Variants in FER observed in about 807,000 individuals in gnomAD.
The protein encoded by FER is tyrosine-protein kinase Fer.
FER carries 63 observed loss-of-function variants against 111.0 expected under a neutral mutation model. That is an observed-to-expected ratio of 0.57 (90% confidence interval 0.46 to 0.70). The LOEUF (loss-of-function observed/expected upper bound fraction) is 0.70, where lower values mean the gene tolerates loss of function less well. Ranked by LOEUF, FER falls within the 30% of genes least tolerant of loss-of-function variation. FER has a pLI of 0.00. For synonymous variants in FER, 327 were observed against 313.9 expected, an observed-to-expected ratio of 1.04 and a Z score of -0.44; for missense variants, 914 against 954.0, an observed-to-expected ratio of 0.96 and a Z score of 0.55.
At chr5:108,960,018 C>T (rs1758936011) in intron 13 of FER, among the ~76,000 whole-genome samples, 1 of 152,028 alleles carries the variant, frequency 6.6e-6, no homozygotes, top group Non-Finnish European at 1.5e-5. Context: ...AGTTTCTGAT[C>T]ACTTTTGATG....
At chr5:108,934,087 G>A (rs1405028500) in intron 10 of FER, among the ~76,000 whole-genome samples, 1 of 152,118 alleles carries the variant, frequency 6.6e-6, no homozygotes, top group Non-Finnish European at 1.5e-5. Context: ...GCCCTGGCGA[G>A]AACTTTCAAT....
At chr5:109,108,047 G>C (rs1749155995) in intron 17 of FER, among the ~76,000 whole-genome samples, 1 of 152,082 alleles carries the variant, frequency 6.6e-6, no homozygotes, top group Non-Finnish European at 1.5e-5. Flanking sequence ...CCAATCTCTT[G>C]TGTGCAAGGG....
chr5:108,785,313 A>G (rs1580511310), intron 2 of FER: 3 of 555,302 alleles, frequency 5.4e-6, no homozygotes, highest in Admixed American at 2.2e-5. Flanking sequence ...GGCATTATCA[A>G]CACCCTGTGC....
intron 16 of FER, among the ~76,000 whole-genome samples, chr5:109,094,522 GA>G (rs1436882628): frequency 6.6e-6 from 1 of 152,048 alleles, no homozygotes; most frequent in African/African-American, 2.4e-5. Flanking sequence ...TCATATAAGA[GA>G]TACTACTCTA....
intron 17 of FER, among the ~76,000 whole-genome samples, chr5:109,109,581 A>G (rs1169530581): frequency 6.6e-6 from 1 of 152,160 alleles, no homozygotes; most frequent in African/African-American, 2.4e-5. Flanking sequence ...GATTCAGGTT[A>G]GAGAAGGCAA....
At chr5:109,176,201 A>C (rs75132038) in intron 17 of FER, among the ~76,000 whole-genome samples, 1,576 of 152,324 alleles carry the variant, frequency 0.01, 30 homozygotes, top group African/African-American at 0.036. Context: ...TGTTTATTAA[A>C]GCACTATTCA....
At chr5:108,752,273 G>T (rs1314687043) in intron 1 of FER, among the ~76,000 whole-genome samples, 1 of 151,426 alleles carries the variant, frequency 6.6e-6, no homozygotes, top group Non-Finnish European at 1.5e-5. Context: ...GATTATAAAT[G>T]TTAAATGCCT....
At chr5:108,861,582 A>C (rs1308510755) in intron 5 of FER, among the ~76,000 whole-genome samples, 1 of 152,292 alleles carries the variant, frequency 6.6e-6, no homozygotes, top group East Asian at 1.9e-4. Flanking sequence ...GAAAAAAGAA[A>C]AAAAGCACAC....
intron 17 of FER, among the ~76,000 whole-genome samples, chr5:109,113,083 T>A (rs556395620): frequency 7.5e-4 from 114 of 151,890 alleles, no homozygotes; most frequent in African/African-American, 2.6e-3. Flanking sequence ...TGAGAAAAGA[T>A]AAGAATAGGC....
intron 5 of FER, among the ~76,000 whole-genome samples, chr5:108,861,886 A>G (rs2150217631): frequency 6.6e-6 from 1 of 152,336 alleles, no homozygotes; most frequent in South Asian, 2.1e-4. Context: ...ATTTTAAAAC[A>G]AATCAGTAAA....
chr5:108,956,071 C>G (rs73209366), intron 12 of FER, among the ~76,000 whole-genome samples: 7 of 151,484 alleles, frequency 4.6e-5, no homozygotes, highest in African/African-American at 1.5e-4. Context: ...GTTAATTTTT[C>G]GTAGTATTCA....
intron 16 of FER, among the ~76,000 whole-genome samples, chr5:109,077,991 T>A (rs1416317217): frequency 1.3e-5 from 2 of 152,090 alleles, no homozygotes; most frequent in African/African-American, 4.8e-5. Context: ...AACTTGCAGA[T>A]CAAAAAAGTT....
chr5:109,104,218 C>CA (rs924690209), intron 17 of FER, among the ~76,000 whole-genome samples: 2 of 152,194 alleles, frequency 1.3e-5, no homozygotes, highest in Non-Finnish European at 2.9e-5. Context: ...TATTAGACCA[C>CA]ATTTATTTTA....
intron 17 of FER, among the ~76,000 whole-genome samples, chr5:109,165,593 GGTGTGTGT>G (rs66749153): frequency 0.045 from 6,411 of 142,300 alleles, 233 homozygotes; most frequent in African/African-American, 0.11. Flanking sequence ...GGAGGGAACT[GGTGTGTGT>G]GTGTGTGTGT....
At chr5:109,044,417 G>A (rs1361818409) in intron 14 of FER, among the ~76,000 whole-genome samples, 3 of 151,966 alleles carry the variant, frequency 2.0e-5, no homozygotes, top group African/African-American at 7.2e-5. Context: ...TCCTGACCTC[G>A]TGATCTGCCC....
chr5:108,958,810 G>T (rs1008926802), intron 12 of FER, among the ~76,000 whole-genome samples: 2 of 151,694 alleles, frequency 1.3e-5, no homozygotes, highest in Non-Finnish European at 3.0e-5. Flanking sequence ...TGACATTTTT[G>T]ATATTGAAAG....
intron 2 of FER, among the ~76,000 whole-genome samples, chr5:108,797,763 G>T (rs1561434886): frequency 6.6e-6 from 1 of 152,218 alleles, no homozygotes; most frequent in African/African-American, 2.4e-5. Context: ...CTGGCAGGGG[G>T]CAGGGAGGCA....
intron 8 of FER, among the ~76,000 whole-genome samples, chr5:108,882,175 C>T (rs1413076372): frequency 6.6e-6 from 1 of 151,908 alleles, no homozygotes; most frequent in Non-Finnish European, 1.5e-5. Context: ...TGGTAAGACA[C>T]ATTTTTAGAT....
Position 109,189,539 on chromosome 5 carries a change from GA to G in FER, c.*1967del, listed in dbSNP as rs1273504496. 3 of 152,172 alleles carry G rather than the reference GA, an allele frequency of 2.0e-5. No homozygotes were observed. The highest frequency in any genetic ancestry group is 4.8e-5 in the African/African-American group (2 of 41,442). The allele number at this position is 152,172 out of a possible 1,614,324, so 9.4% of individuals were successfully genotyped here. A position where few individuals can be genotyped will look rare whatever the true frequency, so the allele number is the denominator to read the frequency against. ...ATGATTAGTACATTCAGACTAAAGG[GA>G]AATTTCTTTTGATGGCACGTACTAT... is the stretch of plus-strand genomic sequence containing the variant. On this transcript the variant is annotated 3_prime_UTR_variant, in exon 20 of 20. Transcript: ENST00000281092.
Sources: gnomAD v4.1 joint callset for allele counts (sites outside exome capture counted in the v4.1 genomes callset) on GRCh38, gnomAD v4.1.1 for gene constraint, MANE v1.5 for transcripts, NCBI Gene and HGNC (gene_info 2026-07-23, HGNC 2026-07-21) for gene names.